DSG3: variants seen among roughly 807,000 people sequenced by gnomAD.
The protein encoded by DSG3 is desmoglein-3.
In DSG3, 63 loss-of-function variants were observed where a neutral mutation model predicts 85.9. That is an observed-to-expected ratio of 0.73 (90% CI 0.60 to 0.90). The LOEUF (loss-of-function observed/expected upper bound fraction) is 0.90, where lower values mean the gene tolerates loss of function less well. Ranked by LOEUF, DSG3 falls within the 40% of genes least tolerant of loss-of-function variation. DSG3 has a pLI of 0.00. For missense variants in DSG3, 1,220 were observed against 1,219.9 expected (o/e 1.00, Z 0.00); for synonymous variants, 447 against 441.9 (o/e 1.01, Z -0.14).
At chr18:31,459,268 GCT>G in intron 5 of DSG3, 91 bp downstream of exon 5, 1 of 1,223,320 alleles carries the variant, frequency 8.2e-7, no homozygotes, top group South Asian at 1.6e-5. Flanking sequence ...ACTAATTTAT[GCT>G]CTTAGTTTAA....
intron 5 of DSG3, among the ~76,000 whole-genome samples, chr18:31,459,520 A>G (rs1490985680): frequency 6.6e-6 from 1 of 152,192 alleles, no homozygotes; most frequent in Non-Finnish European, 1.5e-5. Context: ...AAGGACAGAG[A>G]CACACTCACA....
At position 31,471,660 on chromosome 18, in the gene DSG3, T is replaced by C. The variant is rs527996834; in HGVS notation, c.1898-624T>C. Among the ~76,000 whole-genome samples, 73 of 152,320 alleles carry C rather than the reference T, an allele frequency of 4.8e-4. 1 individual carries two copies. The South Asian group carries it at 0.014, about 29-fold the overall frequency. ...ACATGAGAATGACATTAATCTTTATTGCCAAGGATGTGCACAGAAAGATAT... is the reference window on the plus strand; with the variant it reads ...ACATGAGAATGACATTAATCTTTATCGCCAAGGATGTGCACAGAAAGATAT... On this transcript the variant is annotated intron_variant, in intron 12 of 15. Transcript: ENST00000257189.
At chr18:31,458,383 G>A (rs1162931214) in intron 3 of DSG3, 62 bp from the exon 4 acceptor site, 3 of 1,526,936 alleles carry the variant, frequency 2.0e-6, no homozygotes, top group East Asian at 2.3e-5. Flanking sequence ...ATGGAAGTGG[G>A]GGTGGAGAGG....
At chr18:31,457,257 C>A in intron 3 of DSG3, 133 bp downstream of exon 3, 5 of 603,720 alleles carry the variant, frequency 8.3e-6, no homozygotes, top group Middle Eastern at 4.0e-4. Flanking sequence ...GTATCCTCAA[C>A]AAAATAGTAC....
At chr18:31,470,728 G>C (rs1252203326) in intron 12 of DSG3, among the ~76,000 whole-genome samples, 1 of 152,156 alleles carries the variant, frequency 6.6e-6, no homozygotes, top group African/African-American at 2.4e-5. Context: ...ATTCAATTGA[G>C]CCTTGAAGAA....
chr18:31,474,440 T>C (rs2072875011), intron 15 of DSG3, 36 bp downstream of exon 15: 5 of 1,563,690 alleles, frequency 3.2e-6, no homozygotes, highest in Non-Finnish European at 4.3e-6. Flanking sequence ...TTGATTATCT[T>C]ATTTACATTA....
chr18:31,474,316 T>C lies in DSG3; in HGVS notation c.2297T>C (p.Met766Thr), dbSNP rs1470288316. The C allele has an allele frequency of 1.2e-6, 2 of 1,613,658 alleles. No individual in the cohort carries two copies. The highest frequency in any genetic ancestry group is 1.7e-5 in the Admixed American group (1 of 60,008). The change falls in exon 15 of 16, where the codon ATG becomes ACG. Residue 766 changes from methionine to threonine, a missense_variant. Coordinates refer to ENST00000257189, the MANE Select transcript of DSG3 (RefSeq NM_001944.3). ...TGTTCCTCAGGGCAGTCTGGAACCA[T>C]GAGAACAAGGCATTCCACTGGAGGA... ...GICSSGQSGT[M>T]RTRHSTGGTN... is the part of the protein sequence containing the mutation.
chr18:31,471,129 A>T (rs1369863803), intron 12 of DSG3, among the ~76,000 whole-genome samples: 2 of 152,230 alleles, frequency 1.3e-5, no homozygotes, highest in Non-Finnish European at 2.9e-5. Flanking sequence ...GATGAAGGTC[A>T]GATTTCGAGC....
In DSG3 at chr18:31,447,794, C is replaced by T. The variant is rs8085523; in HGVS notation, c.-84C>T. On this transcript the variant is annotated 5_prime_UTR_variant, in exon 1 of 16. Coordinates refer to ENST00000257189, the MANE Select transcript of DSG3 (RefSeq NM_001944.3). ...AAAGCAGCAGAGACGCTGCAGAGGG[C>T]TTTTCTTAGACATCAACTGCAGACG... 262,457 of 1,206,648 alleles carry T rather than the reference C, an allele frequency of 0.22. 31,862 individuals are homozygous for T. The highest frequency in any genetic ancestry group is 0.46 in the African/African-American group (29,145 of 63,642). The allele number at this position is 1,206,648 out of a possible 1,614,324, so 74.7% of individuals were successfully genotyped here.
At chr18:31,460,407 C>T (rs1483677564) in intron 6 of DSG3, among the ~76,000 whole-genome samples, 1 of 152,186 alleles carries the variant, frequency 6.6e-6, no homozygotes, top group Admixed American at 6.6e-5. Flanking sequence ...CCTGACTTCT[C>T]TTAATTTTAT....
At chr18:31,447,968 C>T in intron 1 of DSG3, 43 bp downstream of exon 1, 2 of 1,454,504 alleles carry the variant, frequency 1.4e-6, no homozygotes, top group Non-Finnish European at 1.9e-6. Context: ...TTCCCTGCTT[C>T]CTCCCTTGTT....
At chr18:31,470,673 A>G (rs1432453624) in intron 12 of DSG3, among the ~76,000 whole-genome samples, 1 of 152,234 alleles carries the variant, frequency 6.6e-6, no homozygotes, top group Admixed American at 6.5e-5. Context: ...AATAGAAATT[A>G]CTACAAAGGG....
chr18:31,464,493 T>G lies in DSG3; in HGVS notation c.1271+111T>G, dbSNP rs547785622. The G allele has an allele frequency of 6.6e-6, 8 of 1,206,288 alleles. No individual in the cohort carries two copies. The African/African-American group carries it at 9.3e-5, about 14-fold the overall frequency. The allele number at this position is 1,206,288 out of a possible 1,614,324, so 74.7% of individuals were successfully genotyped here. A position where few individuals can be genotyped will look rare whatever the true frequency, so the allele number is the denominator to read the frequency against. ...CCAAGAATAGAGATATGACATTGAT[T>G]AAAAACAAGAAACTGGGTAACTCAA... On this transcript the variant is annotated intron_variant, in intron 9 of 15. Coordinates refer to ENST00000257189, the MANE Select transcript of DSG3 (RefSeq NM_001944.3).
Position 31,466,737 on chromosome 18 carries a change from G to C in DSG3, c.1619G>C (p.Ser540Thr). ...DQPVKLPAVWSITTLNATSAL... is the reference protein window; with the variant it reads ...DQPVKLPAVWTITTLNATSAL... ...CCTGTAAAGTTGCCTGCCGTATGGAGTATCACAACCCTCAATGGTGAGTAA... is the reference window on the plus strand; with the variant it reads ...CCTGTAAAGTTGCCTGCCGTATGGACTATCACAACCCTCAATGGTGAGTAA... Residue 540 changes from serine to threonine, a missense_variant, in exon 11 of 16, where the codon AGT becomes ACT. By Grantham distance (58) the Ser-to-Thr change is moderately conservative. Transcript: ENST00000257189. 3 of 1,614,094 alleles carry C rather than the reference G, an allele frequency of 1.9e-6. No homozygotes were observed. Among genetic ancestry groups the C allele is most frequent in the Non-Finnish European group, 2.5e-6 (3 of 1,179,988 alleles).
chr18:31,454,297 G>T (rs2072728499), intron 1 of DSG3, among the ~76,000 whole-genome samples: 1 of 152,158 alleles, frequency 6.6e-6, no homozygotes, highest in Admixed American at 6.5e-5. Flanking sequence ...TCATTTTTAT[G>T]CGCTGAGAAA....
chr18:31,469,290 CAG>C lies in DSG3; in HGVS notation c.1839_1840del (p.Gly614GlufsTer28). On this transcript the variant is annotated frameshift_variant, in exon 12 of 16. Transcript: ENST00000257189. LOFTEE classifies it high-confidence loss of function. ...GGGACCAGGTATGGCAGGCCGCACT[CAG>C]GGAGGCTGGGGCCTGCCGCCATCGG... 1 of 1,613,956 alleles carries C rather than the reference CAG, an allele frequency of 6.2e-7. No individual in the cohort carries two copies. The highest frequency in any genetic ancestry group is 8.5e-7 in the Non-Finnish European group (1 of 1,180,028).
At chr18:31,459,467 C>G (rs1306204108) in intron 5 of DSG3, among the ~76,000 whole-genome samples, 1 of 152,096 alleles carries the variant, frequency 6.6e-6, no homozygotes, top group East Asian at 1.9e-4. Context: ...AACAGGCAGC[C>G]TTGGGTAGCC....
At chr18:31,466,007 A>G (rs1181285994) in intron 10 of DSG3, among the ~76,000 whole-genome samples, 1 of 152,236 alleles carries the variant, frequency 6.6e-6, no homozygotes. Flanking sequence ...CAAGAAAAGA[A>G]GTAGTAAGGG....
intron 14 of DSG3, 42 bp from the exon 15 acceptor site, chr18:31,474,076 AAAC>A: frequency 6.4e-7 from 1 of 1,568,300 alleles, no homozygotes; most frequent in Non-Finnish European, 8.7e-7. Context: ...AAAATGCAAC[AAAC>A]AACAGCATAA....
Sources: gnomAD v4.1 joint callset for allele counts (sites outside exome capture counted in the v4.1 genomes callset) on GRCh38, gnomAD v4.1.1 for gene constraint, MANE v1.5 for transcripts, NCBI Gene and HGNC (gene_info 2026-07-23, HGNC 2026-07-21) for gene names.